Variants in GDE1 observed in about 807,000 individuals in gnomAD.
GDE1 encodes the protein glycerophosphodiester phosphodiesterase 1.
A neutral mutation model predicts 32.2 loss-of-function variants in GDE1; 24 were observed. The ratio of observed to expected loss-of-function variants is 0.75; its 90% CI spans 0.54 to 1.05. The LOEUF (loss-of-function observed/expected upper bound fraction) is 1.05. Ranked by LOEUF, GDE1 falls within the 50% of genes least tolerant of loss-of-function variation. The pLI, the probability that GDE1 is intolerant of heterozygous loss-of-function variation, is 0.00. For synonymous variants in GDE1, 159 were observed against 158.6 expected (o/e 1.00, Z -0.02); for missense variants, 380 against 415.0 (o/e 0.92, Z 0.73).
At position 19,521,838 on chromosome 16, in the gene GDE1, G is replaced by A; in HGVS notation, c.127C>T (p.Arg43Cys). 2 of 1,610,086 alleles carry A rather than the reference G, an allele frequency of 1.2e-6. No individual in the cohort carries two copies. Among genetic ancestry groups the A allele is most frequent in the Non-Finnish European group, 1.7e-6 (2 of 1,178,860 alleles). The change falls in exon 1 of 6, where the codon CGC becomes TGC. Residue 43 changes from arginine (R) to cysteine (C), a missense_variant. By Grantham distance (180) the Arg-to-Cys change is radical. Transcript: ENST00000353258. ...GGCACCGGCTCAAAGCTGAAGACGC[G>A]CAGTAGAACGAAGAGGCTGCCGGTG... ...LLTGSLFVLL[R>C]VFSFEPVPSC... is the part of the protein sequence containing the mutation.
chr16:19,511,090 AC>A, intron 2 of GDE1, 146 bp from the exon 3 acceptor site: 1 of 471,916 alleles, frequency 2.1e-6, no homozygotes, highest in Non-Finnish European at 3.7e-6. Context: ...GTCCAAAGAT[AC>A]TTTACTTTAA....
At position 19,503,466 on chromosome 16, in the gene GDE1, A is replaced by C; in HGVS notation, c.*4T>G. 6.2e-7 allele frequency: 1 copy of C among 1,613,166 alleles called. No individual in the cohort carries two copies. Among genetic ancestry groups the C allele is most frequent in the Middle Eastern group, 1.7e-4 (1 of 6,050 alleles). On this transcript the variant is annotated 3_prime_UTR_variant, in exon 6 of 6. Coordinates refer to ENST00000353258, the MANE Select transcript of GDE1 (RefSeq NM_016641.4). The stretch of plus-strand genomic sequence containing the variant: ...CTGAACCCGTTTCGTCCCACCGTGA[A>C]AGTCTAGAAGTGAGGTTCGCAGTCT...
At chr16:19,505,125 T>A (rs1346556245) in intron 4 of GDE1, 33 bp from the exon 5 acceptor site, 2 of 1,397,686 alleles carry the variant, frequency 1.4e-6, no homozygotes, top group South Asian at 2.3e-5. Context: ...AAAATAATGA[T>A]CATATGTAAA....
chr16:19,508,640 T>TC (rs1433939561), intron 3 of GDE1, among the ~76,000 whole-genome samples: 1 of 152,184 alleles, frequency 6.6e-6, no homozygotes, highest in Non-Finnish European at 1.5e-5. Flanking sequence ...AGCATTTTTT[T>TC]TTCTGTTTGA....
chr16:19,505,409 G>C (rs1475899988), intron 4 of GDE1, among the ~76,000 whole-genome samples: 1 of 152,104 alleles, frequency 6.6e-6, no homozygotes, highest in Non-Finnish European at 1.5e-5. Context: ...ATTGGCTATT[G>C]ACTTAAATCC....
chr16:19,520,790 A>C (rs1969443678), intron 1 of GDE1, among the ~76,000 whole-genome samples: 1 of 152,074 alleles, frequency 6.6e-6, no homozygotes, highest in African/African-American at 2.4e-5. Context: ...GAAGAGAATC[A>C]GATATATTTA....
At chr16:19,519,346 G>A (rs1209208146) in intron 1 of GDE1, among the ~76,000 whole-genome samples, 1 of 151,760 alleles carries the variant, frequency 6.6e-6, no homozygotes, top group Non-Finnish European at 1.5e-5. Context: ...GTTTCCCAAG[G>A]CCTGCTCCTA....
chr16:19,507,705 C>A lies in GDE1; in HGVS notation c.618G>T (p.Leu206Phe), dbSNP rs1324875540. The change falls in exon 4 of 6, where the codon TTG becomes TTT. Residue 206 changes from leucine (L) to phenylalanine (F), a missense_variant. Transcript: ENST00000353258. The part of the protein sequence containing the change: ...LYNNSVVCSF[L>F]PEVIYKMRQT... ...ATGTTACCTTGTAGATAACTTCTGG[C>A]AAGAAAGAACAGACCACACTATTAT... is the stretch of plus-strand genomic sequence containing the variant. 1 of 1,568,106 alleles carries A rather than the reference C, an allele frequency of 6.4e-7. No homozygotes were observed. Among genetic ancestry groups the A allele is most frequent in the Non-Finnish European group, 8.8e-7 (1 of 1,138,194 alleles).
At chr16:19,514,832 T>C (rs957940797) in intron 2 of GDE1, among the ~76,000 whole-genome samples, 2 of 152,122 alleles carry the variant, frequency 1.3e-5, no homozygotes, top group African/African-American at 4.8e-5. Context: ...TTTGGGAAGC[T>C]GAGGCAGGCA....
intron 1 of GDE1, among the ~76,000 whole-genome samples, chr16:19,519,147 T>G (rs998576314): frequency 6.6e-6 from 1 of 151,916 alleles, no homozygotes; most frequent in African/African-American, 2.4e-5. Flanking sequence ...TCCTCTTAGG[T>G]TTATTTTAGT....
At chr16:19,520,120 G>A (rs909574587) in intron 1 of GDE1, among the ~76,000 whole-genome samples, 11 of 152,010 alleles carry the variant, frequency 7.2e-5, no homozygotes, top group Non-Finnish European at 1.3e-4. Context: ...GATATAGAAG[G>A]AAAAACTTGA....
intron 2 of GDE1, among the ~76,000 whole-genome samples, chr16:19,511,828 G>T (rs1272652705): frequency 6.6e-6 from 1 of 151,798 alleles, no homozygotes; most frequent in African/African-American, 2.4e-5. Context: ...GCCTTTCTGT[G>T]CCTGGCTTAT....
At chr16:19,510,729 AAAAT>A (rs1969306891) in intron 3 of GDE1, 106 bp downstream of exon 3, 1 of 493,388 alleles carries the variant, frequency 2.0e-6, no homozygotes, top group Non-Finnish European at 3.6e-6. Flanking sequence ...ACAATTTATA[AAAAT>A]AAGTTTTAAA....
Position 19,503,463 on chromosome 16 carries a change from T to C in GDE1, c.*7A>G. The C allele has an allele frequency of 6.2e-7, 1 of 1,613,084 alleles. No homozygotes were observed. The highest frequency in any genetic ancestry group is 8.5e-7 in the Non-Finnish European group (1 of 1,179,406). On this transcript the variant is annotated 3_prime_UTR_variant, in exon 6 of 6. Transcript: ENST00000353258. Reference sequence around the variant, plus strand: ...TTTCTGAACCCGTTTCGTCCCACCGTGAAAGTCTAGAAGTGAGGTTCGCAG... The same window carrying C: ...TTTCTGAACCCGTTTCGTCCCACCGCGAAAGTCTAGAAGTGAGGTTCGCAG...
At chr16:19,514,652 A>C (rs1969358280) in intron 2 of GDE1, among the ~76,000 whole-genome samples, 1 of 152,222 alleles carries the variant, frequency 6.6e-6, no homozygotes, top group Admixed American at 6.5e-5. Context: ...TCTGATAAAG[A>C]AAATGAAAAC....
At chr16:19,511,292 CG>C (rs1969316135) in intron 2 of GDE1, among the ~76,000 whole-genome samples, 1 of 151,862 alleles carries the variant, frequency 6.6e-6, no homozygotes, top group Admixed American at 6.6e-5. Context: ...TTAGTAGAGG[CG>C]GGGTTTCACC....
rs1167532071 is a variant in GDE1, at chr16:19,503,428, C to A, written c.*42G>T. On this transcript the variant is annotated 3_prime_UTR_variant, in exon 6 of 6. Transcript: ENST00000353258. ...GGTATTTTGATATCCCTGTATGAGGCCCCTGGCAGTTTCTGAACCCGTTTC... is the reference window on the plus strand; with the variant it reads ...GGTATTTTGATATCCCTGTATGAGGACCCTGGCAGTTTCTGAACCCGTTTC... The A allele has an allele frequency of 3.8e-6, 6 of 1,588,202 alleles. No homozygotes were observed. The highest frequency in any genetic ancestry group is 5.2e-6 in the Non-Finnish European group (6 of 1,160,000).
At chr16:19,505,383 T>C (rs2072087) in intron 4 of GDE1, among the ~76,000 whole-genome samples, 132,842 of 152,230 alleles carry the variant, frequency 0.87, 58,105 homozygotes, top group African/African-American at 0.92. Context: ...AATAATGTCA[T>C]GAGAATAAAC....
intron 5 of GDE1, chr16:19,504,499 G>A (rs1037087471): frequency 5.9e-6 from 1 of 168,816 alleles, no homozygotes; most frequent in African/African-American, 2.4e-5. Context: ...GAGAGGTGGG[G>A]GAGTGCCTAT....
Sources: allele counts gnomAD v4.1 joint callset (sites outside exome capture counted in the v4.1 genomes callset), GRCh38; gene constraint gnomAD v4.1.1; transcripts MANE v1.5; gene names NCBI Gene and HGNC (gene_info 2026-07-23, HGNC 2026-07-21).